OXR1: variants seen among roughly 807,000 people sequenced by gnomAD.
OXR1 encodes oxidation resistance protein 1.
OXR1 carries 41 observed loss-of-function variants against 104.6 expected under a neutral mutation model. The ratio of observed to expected loss-of-function variants is 0.39; its 90% CI spans 0.31 to 0.51. OXR1 has a LOEUF of 0.51. Ranked by LOEUF, OXR1 falls within the 20% of genes least tolerant of loss-of-function variation. The probability of loss-of-function intolerance (pLI) is 0.77; values close to 1 mark genes in which losing one functional copy is unlikely to be tolerated. For synonymous variants in OXR1, 348 were observed against 348.4 expected (o/e 1.00, Z 0.01); for missense variants, 955 against 1,031.9 (o/e 0.93, Z 1.02).
intron 2 of OXR1, among the ~76,000 whole-genome samples, chr8:106,428,162 G>A (rs1037437954): frequency 6.6e-6 from 1 of 152,124 alleles, no homozygotes; most frequent in Non-Finnish European, 1.5e-5. Flanking sequence ...GGAAGCACAG[G>A]GATACCATGG....
chr8:106,645,071 A>G (rs1048148009), intron 3 of OXR1, among the ~76,000 whole-genome samples: 1 of 152,020 alleles, frequency 6.6e-6, no homozygotes, highest in Non-Finnish European at 1.5e-5. Context: ...GAGGGGGTAA[A>G]GTAGAAGCTG....
chr8:106,697,323 C>T lies in OXR1; in HGVS notation c.675+4446C>T, dbSNP rs550210457. On this transcript the variant is annotated intron_variant, in intron 7 of 16. Transcript: ENST00000517566. ...AACCCCTCACCCTGACAGAAGGGAG[C>T]TTAAGAGCTCTGGGGCTCTCTGGGA... 79 of 904,852 alleles carry T rather than the reference C, an allele frequency of 8.7e-5. No individual in the cohort carries two copies. In the Admixed American group the frequency reaches 1.1e-3, roughly 13 times the overall value. 56.1% of individuals were successfully genotyped at this position (904,852 alleles called of 1,614,324 possible). A position where few individuals can be genotyped will look rare whatever the true frequency, so the allele number is the denominator to read the frequency against.
intron 3 of OXR1, among the ~76,000 whole-genome samples, chr8:106,552,868 A>G (rs187135638): frequency 6.6e-6 from 1 of 152,306 alleles, no homozygotes; most frequent in African/African-American, 2.4e-5. Context: ...ACTTAAATCC[A>G]CATGTTTTCT....
chr8:106,374,038 C>A (rs116821748), intron 2 of OXR1, among the ~76,000 whole-genome samples: 1 of 152,240 alleles, frequency 6.6e-6, no homozygotes, highest in African/African-American at 2.4e-5. Context: ...CTCCCACCTT[C>A]ATTTGGCACT....
chr8:106,540,930 G>A (rs1320441656), intron 3 of OXR1, among the ~76,000 whole-genome samples: 1 of 152,144 alleles, frequency 6.6e-6, no homozygotes, highest in African/African-American at 2.4e-5. Context: ...AGTGGGAATT[G>A]TGGGAATTAC....
chr8:106,718,345 C>T (rs2131440969), intron 11 of OXR1, among the ~76,000 whole-genome samples: 1 of 152,210 alleles, frequency 6.6e-6, no homozygotes, highest in Non-Finnish European at 1.5e-5. Flanking sequence ...CTATTGAAGA[C>T]AGACAGAAAC....
intron 2 of OXR1, among the ~76,000 whole-genome samples, chr8:106,378,346 G>A (rs1259599179): frequency 6.6e-6 from 1 of 152,180 alleles, no homozygotes; most frequent in Non-Finnish European, 1.5e-5. Context: ...ACATGGGAAT[G>A]AGAATGTGGC....
intron 2 of OXR1, among the ~76,000 whole-genome samples, chr8:106,443,480 G>A (rs761208786): frequency 3.2e-4 from 49 of 152,020 alleles, no homozygotes; most frequent in East Asian, 5.8e-4. Flanking sequence ...TTTCTGTCTC[G>A]TTGATCTGAC....
chr8:106,408,601 A>G (rs921679712), intron 2 of OXR1, among the ~76,000 whole-genome samples: 1 of 152,206 alleles, frequency 6.6e-6, no homozygotes, highest in Non-Finnish European at 1.5e-5. Context: ...TTCAGTGGGC[A>G]GGTCCCTTTC....
intron 3 of OXR1, among the ~76,000 whole-genome samples, chr8:106,610,070 A>G (rs972520162): frequency 7.3e-5 from 11 of 150,770 alleles, no homozygotes; most frequent in Non-Finnish European, 1.5e-4. Flanking sequence ...ACAGTAAAAT[A>G]TTTCACAGGT....
intron 2 of OXR1, among the ~76,000 whole-genome samples, chr8:106,376,550 T>C (rs569983657): frequency 1.3e-5 from 2 of 152,304 alleles, no homozygotes; most frequent in Admixed American, 1.3e-4. Context: ...AAAATAAAGA[T>C]AGTTATTGGC....
At chr8:106,678,092 CAG>C (rs1827785244) in intron 3 of OXR1, among the ~76,000 whole-genome samples, 1 of 152,042 alleles carries the variant, frequency 6.6e-6, no homozygotes, top group Admixed American at 6.6e-5. Flanking sequence ...TGACTAATAA[CAG>C]GGACTTGGGT....
At chr8:106,515,100 G>A (rs747276586) in intron 2 of OXR1, among the ~76,000 whole-genome samples, 6 of 152,056 alleles carry the variant, frequency 3.9e-5, no homozygotes, top group African/African-American at 7.2e-5. Context: ...AAGTCTTGGC[G>A]TGTGTAAGTG....
chr8:106,321,093 T>C (rs2130178825), intron 1 of OXR1, among the ~76,000 whole-genome samples: 1 of 152,336 alleles, frequency 6.6e-6, no homozygotes, highest in East Asian at 1.9e-4. Flanking sequence ...CAAGAGCAAA[T>C]GTTTTTCAAA....
At chr8:106,612,339 T>C (rs1215575125) in intron 3 of OXR1, among the ~76,000 whole-genome samples, 3 of 152,160 alleles carry the variant, frequency 2.0e-5, no homozygotes, top group Non-Finnish European at 2.9e-5. Context: ...GGTAAACATA[T>C]ACACTGTTAA....
intron 2 of OXR1, among the ~76,000 whole-genome samples, chr8:106,443,556 G>T (rs374244145): frequency 6.3e-4 from 96 of 152,152 alleles, no homozygotes; most frequent in African/African-American, 2.2e-3. Flanking sequence ...TCTCTTTATA[G>T]GTCTCTAAGA....
chr8:106,478,787 T>G (rs2129721855), intron 2 of OXR1, among the ~76,000 whole-genome samples: 2 of 152,034 alleles, frequency 1.3e-5, no homozygotes, highest in South Asian at 4.1e-4. Context: ...AAACCCATTA[T>G]GAACTTTAGC....
intron 2 of OXR1, among the ~76,000 whole-genome samples, chr8:106,505,367 T>TTGCAAAGC (rs1221983276): frequency 2.0e-5 from 3 of 152,208 alleles, no homozygotes; most frequent in Admixed American, 6.5e-5. Flanking sequence ...GTGCATATAA[T>TTGCAAAGC]TGCAAAGCAC....
intron 1 of OXR1, among the ~76,000 whole-genome samples, chr8:106,326,407 A>G (rs1814470021): frequency 6.6e-6 from 1 of 152,244 alleles, no homozygotes; most frequent in Non-Finnish European, 1.5e-5. Flanking sequence ...AACTATATTG[A>G]AAAAAGTGAC....
Sources: gnomAD v4.1 joint callset for allele counts (sites outside exome capture counted in the v4.1 genomes callset) on GRCh38, gnomAD v4.1.1 for gene constraint, MANE v1.5 for transcripts, NCBI Gene and HGNC (gene_info 2026-07-23, HGNC 2026-07-21) for gene names.